BLTP1: variants seen among roughly 807,000 people sequenced by gnomAD.
The protein encoded by BLTP1 is bridge-like lipid transfer protein family member 1.
chr4:122,192,059 A>G, the BLTP1 span: 14 of 211,774 alleles, frequency 6.6e-5, no homozygotes, highest in Non-Finnish European at 1.1e-4. Context: ...GAACATAGTA[A>G]TTCTTGATAG....
the BLTP1 span, among the ~76,000 whole-genome samples, chr4:122,163,575 T>C: frequency 2.0e-5 from 3 of 152,218 alleles, no homozygotes; most frequent in Non-Finnish European, 4.4e-5. Context: ...TGGCTGCCAA[T>C]AGCAAACATT....
the BLTP1 span, chr4:122,344,810 GCTT>G: frequency 1.0e-6 from 1 of 984,962 alleles, no homozygotes; most frequent in Admixed American, 6.2e-5. Context: ...AGTAAAAGTT[GCTT>G]CTTTTCTTCA....
chr4:122,183,470 T>G, the BLTP1 span: 1 of 985,000 alleles, frequency 1.0e-6, no homozygotes, highest in Non-Finnish European at 1.2e-6. Context: ...AAACTGTCAC[T>G]TGCCTCTGGA....
chr4:122,353,338 C>A, the BLTP1 span: 1 of 689,344 alleles, frequency 1.5e-6, no homozygotes, highest in Non-Finnish European at 1.8e-6. This position sits in a 1 kb window ranked among gnomAD's most constrained non-coding sequence, Gnocchi z 4.3. Context: ...TGCCATCTTA[C>A]TCCATGTTTC....
At chr4:122,313,865 A>G in the BLTP1 span, 2 of 169,062 alleles carry the variant, frequency 1.2e-5, no homozygotes. Context: ...GTGTGTTTAT[A>G]TATATATATA....
chr4:122,164,741 A>G, the BLTP1 span, among the ~76,000 whole-genome samples: 1 of 151,862 alleles, frequency 6.6e-6, no homozygotes, highest in African/African-American at 2.4e-5. Flanking sequence ...GTGGTAATCC[A>G]TTACTATCAT....
At chr4:122,200,951 G>A in the BLTP1 span, 6 of 1,582,602 alleles carry the variant, frequency 3.8e-6, no homozygotes, top group East Asian at 1.1e-4. Context: ...TTCTAATGCT[G>A]TTCACACAGT....
At chr4:122,333,512 T>C in the BLTP1 span, 74 of 1,042,506 alleles carry the variant, frequency 7.1e-5, no homozygotes, top group Non-Finnish European at 8.3e-5. Flanking sequence ...TTTGAGTTCA[T>C]TGTAGATTCT....
At chr4:122,359,559 A>G in the BLTP1 span, 1 of 1,609,178 alleles carries the variant, frequency 6.2e-7, no homozygotes, top group Non-Finnish European at 8.5e-7. Flanking sequence ...CCTTATAGCC[A>G]TCTTTCCACC....
the BLTP1 span, chr4:122,250,387 A>G: frequency 6.2e-7 from 1 of 1,611,678 alleles, no homozygotes; most frequent in Non-Finnish European, 8.5e-7. Flanking sequence ...GTGCTGTTTT[A>G]TATAACAGTT....
chr4:122,201,003 T>C, the BLTP1 span: 2 of 1,608,400 alleles, frequency 1.2e-6, no homozygotes, highest in South Asian at 2.2e-5. Flanking sequence ...AACATTTGTT[T>C]TGCAGTTCCA....
At chr4:122,152,966 A>G in the BLTP1 span, 2 of 983,430 alleles carry the variant, frequency 2.0e-6, no homozygotes, top group Non-Finnish European at 1.2e-6. Context: ...TGCTTAATAT[A>G]GGGTCGGTTG....
the BLTP1 span, chr4:122,254,229 A>T: frequency 4.3e-6 from 7 of 1,612,934 alleles, no homozygotes; most frequent in Non-Finnish European, 5.9e-6. Flanking sequence ...TTGAAAAAAG[A>T]TCTACCTCTG....
the BLTP1 span, chr4:122,274,442 T>C: frequency 1.3e-6 from 2 of 1,589,836 alleles, no homozygotes; most frequent in Non-Finnish European, 1.7e-6. Flanking sequence ...ATACAGTAAG[T>C]ATGTCAGTTT....
At chr4:122,181,154 C>G in the BLTP1 span, 11 of 296,468 alleles carry the variant, frequency 3.7e-5, no homozygotes, top group Non-Finnish European at 5.5e-5. Flanking sequence ...TGGTCTTTAG[C>G]TGACAATCAT....
the BLTP1 span, chr4:122,339,157 C>A: frequency 6.4e-7 from 1 of 1,554,612 alleles, no homozygotes; most frequent in Non-Finnish European, 8.7e-7. Flanking sequence ...CTATTTAAAA[C>A]TTTTCTTTTA....
the BLTP1 span, chr4:122,211,199 A>G: frequency 9.8e-7 from 1 of 1,025,032 alleles, no homozygotes; most frequent in Non-Finnish European, 1.4e-6. Flanking sequence ...GATTATTTAA[A>G]GTGTTGAGGA....
chr4:122,243,702 G>A, the BLTP1 span: 1 of 949,480 alleles, frequency 1.1e-6, no homozygotes, highest in African/African-American at 1.7e-5. Context: ...AGGTGACAGA[G>A]TGAGACTCTA....
the BLTP1 span, chr4:122,249,660 A>G: frequency 6.2e-7 from 1 of 1,613,520 alleles, no homozygotes; most frequent in African/African-American, 1.3e-5. Context: ...TTGAATGTGG[A>G]CTTGAAAATT....
Sources: gnomAD v4.1 joint callset for allele counts (sites outside exome capture counted in the v4.1 genomes callset) on GRCh38, gnomAD v4.1.1 for gene constraint, Gnocchi (gnomAD v3.1) non-coding constraint, MANE v1.5 for transcripts, NCBI Gene and HGNC (gene_info 2026-07-23, HGNC 2026-07-21) for gene names.